ALDH1A3: variants seen among roughly 807,000 people sequenced by gnomAD.
ALDH1A3 encodes aldehyde dehydrogenase 1 family member A3.
Under a neutral mutation model 57.5 loss-of-function variants are expected in ALDH1A3, and 28 were observed. That is an observed-to-expected ratio of 0.49 (90% CI 0.36 to 0.67). ALDH1A3 has a LOEUF of 0.67. Among genes scored for constraint, ALDH1A3 ranks in the 30% least tolerant of loss-of-function variants. The probability of loss-of-function intolerance (pLI) is 0.00; values close to 1 mark genes in which losing one functional copy is unlikely to be tolerated. For missense variants in ALDH1A3, 507 were observed against 669.4 expected (o/e 0.76, Z 2.68); for synonymous variants, 281 against 264.8 (o/e 1.06, Z -0.59).
In ALDH1A3 at chr15:100,898,128, C is replaced by T. The variant is rs776141464; in HGVS notation, c.826C>T (p.Arg276Trp). The stretch of plus-strand genomic sequence containing the variant: ...AGCTGCGTCCCGGAGCAATCTGAAG[C>T]GGGTGACGCTGGAGCTGGGGGGGAA... Reference protein sequence around the residue: ...KEAASRSNLKRVTLELGGKNP... With the variant: ...KEAASRSNLKWVTLELGGKNP... Residue 276 changes from arginine (R) to tryptophan (W), a missense_variant, in exon 8 of 13, where the codon CGG becomes TGG. By Grantham distance (101) the Arg-to-Trp change is moderately radical. Coordinates refer to ENST00000329841, the MANE Select transcript of ALDH1A3 (RefSeq NM_000693.4). 12 of 1,613,918 alleles carry T rather than the reference C, an allele frequency of 7.4e-6. No individual in the cohort carries two copies. Among genetic ancestry groups the T allele is most frequent in the South Asian group, 1.1e-5 (1 of 91,030 alleles).
intron 1 of ALDH1A3, among the ~76,000 whole-genome samples, chr15:100,884,565 G>GT (rs58072985): frequency 0.14 from 19,963 of 139,788 alleles, 2,056 homozygotes; most frequent in African/African-American, 0.29. Context: ...GTTTTTCTGG[G>GT]TTTTTTTTTT....
chr15:100,883,236 C>T (rs920922835), intron 1 of ALDH1A3, among the ~76,000 whole-genome samples: 5 of 152,280 alleles, frequency 3.3e-5, no homozygotes, highest in Non-Finnish European at 7.4e-5. Context: ...ATCTAACCCA[C>T]GAAATTTCAT....
At chr15:100,880,281 C>A (rs939228052) in intron 1 of ALDH1A3, 5 of 383,596 alleles carry the variant, frequency 1.3e-5, no homozygotes, top group African/African-American at 4.2e-5. Context: ...CGCATCCCTG[C>A]GAGGCCCCGA....
In ALDH1A3 at chr15:100,893,039, T is replaced by C; in HGVS notation, c.537+33T>C. On this transcript the variant is annotated intron_variant, in intron 5 of 12. Coordinates refer to ENST00000329841, the MANE Select transcript of ALDH1A3 (RefSeq NM_000693.4). This position sits in a 1 kb window ranked among gnomAD's most constrained non-coding sequence, Gnocchi z 4.8. ...TGGCAGCCTTTCTCAGTAGATTCTATGTAGATCCTGCCCCACTGCCCTGTG... is the reference window on the plus strand; with the variant it reads ...TGGCAGCCTTTCTCAGTAGATTCTACGTAGATCCTGCCCCACTGCCCTGTG... 6.3e-7 allele frequency: 1 copy of C among 1,590,038 alleles called. No homozygotes were observed. Among genetic ancestry groups the C allele is most frequent in the Non-Finnish European group, 8.6e-7 (1 of 1,160,692 alleles).
At chr15:100,908,673 T>TG (rs2041850802) in intron 12 of ALDH1A3, among the ~76,000 whole-genome samples, 191 bp downstream of exon 12, 1 of 152,242 alleles carries the variant, frequency 6.6e-6, no homozygotes, top group South Asian at 2.1e-4. Flanking sequence ...CCTTCCCACT[T>TG]ACATCCTCAG....
At chr15:100,895,877 G>C in intron 6 of ALDH1A3, 56 bp from the exon 7 acceptor site, 1 of 1,457,146 alleles carries the variant, frequency 6.9e-7, no homozygotes, top group Non-Finnish European at 9.5e-7. Context: ...CCCAAATGTG[G>C]ATCCGTGGTG....
At chr15:100,914,562 T>C in intron 12 of ALDH1A3, 139 bp from the exon 13 acceptor site, 1 of 690,280 alleles carries the variant, frequency 1.4e-6, no homozygotes, top group Non-Finnish European at 2.5e-6. Context: ...TCCTGGCTAT[T>C]ATTCCATGAG....
chr15:100,882,395 A>C (rs2041555132), intron 1 of ALDH1A3, among the ~76,000 whole-genome samples: 1 of 152,172 alleles, frequency 6.6e-6, no homozygotes, highest in Non-Finnish European at 1.5e-5. Flanking sequence ...TTTCCTTATA[A>C]AATTTCTTCC....
chr15:100,906,989 C>T lies in ALDH1A3; in HGVS notation c.1234-132C>T, dbSNP rs1180861765. 1.0e-6 allele frequency: 1 copy of T among 994,160 alleles called. No individual in the cohort carries two copies. Among genetic ancestry groups the T allele is most frequent in the African/African-American group, 1.6e-5 (1 of 60,874 alleles). 61.6% of individuals were successfully genotyped at this position (994,160 alleles called of 1,614,324 possible). A position where few individuals can be genotyped will look rare whatever the true frequency, so the allele number is the denominator to read the frequency against. On this transcript the variant is annotated intron_variant, in intron 10 of 12. Coordinates refer to ENST00000329841, the MANE Select transcript of ALDH1A3 (RefSeq NM_000693.4). The surrounding 1 kb of genome is among the most constrained non-coding windows in gnomAD (Gnocchi z 4.8). ...GCAATGTTTGGACGTTCTTTCTTCT[C>T]TAATCATCGTTTTTCAGGCATGTGT...
intron 8 of ALDH1A3, among the ~76,000 whole-genome samples, chr15:100,899,238 T>C (rs1219253135): frequency 6.6e-6 from 1 of 152,168 alleles, no homozygotes; most frequent in Admixed American, 6.5e-5. Context: ...GAAGCACCAT[T>C]AGTGCTATGA....
intron 8 of ALDH1A3, among the ~76,000 whole-genome samples, chr15:100,898,530 C>G (rs1596128395): frequency 6.6e-6 from 1 of 152,314 alleles, no homozygotes; most frequent in East Asian, 1.9e-4. Flanking sequence ...TCCTCCAGAG[C>G]CCCCTGGGAG....
chr15:100,906,630 C>T lies in ALDH1A3; in HGVS notation c.1234-491C>T, dbSNP rs28679806. ...CCATTTCCTTTTCTTTGCTGTGTCACAAACTGTGGTGAATATTGTGTCATT... is the reference window on the plus strand; with the variant it reads ...CCATTTCCTTTTCTTTGCTGTGTCATAAACTGTGGTGAATATTGTGTCATT... On this transcript the variant is annotated intron_variant, in intron 10 of 12. Transcript: ENST00000329841. This position sits in a 1 kb window ranked among gnomAD's most constrained non-coding sequence, Gnocchi z 4.8. 1.2e-3 allele frequency among the ~76,000 whole-genome samples: 179 copies of T among 152,322 alleles called. 3 individuals are homozygous for T. Among genetic ancestry groups the T allele is most frequent in the African/African-American group, 4.0e-3 (166 of 41,578 alleles).
chr15:100,911,240 G>A (rs1041459203), intron 12 of ALDH1A3, among the ~76,000 whole-genome samples: 31 of 152,166 alleles, frequency 2.0e-4, no homozygotes, highest in African/African-American at 5.1e-4. Flanking sequence ...AGCATCGTGC[G>A]GGGGATTCCA....
intron 9 of ALDH1A3, 137 bp downstream of exon 9, chr15:100,900,896 A>AG (rs1422678846): frequency 1.0e-6 from 1 of 974,848 alleles, no homozygotes; most frequent in African/African-American, 1.7e-5. Context: ...TCTTTTCTTT[A>AG]GAAACTGATC....
chr15:100,890,470 A>T (rs1267733077), intron 3 of ALDH1A3, among the ~76,000 whole-genome samples: 1 of 152,200 alleles, frequency 6.6e-6, no homozygotes, highest in Non-Finnish European at 1.5e-5. Context: ...GAGAAATTCC[A>T]TAAAACTAAC....
At chr15:100,896,167 G>A (rs1333900448) in intron 7 of ALDH1A3, 121 bp downstream of exon 7, 2 of 792,030 alleles carry the variant, frequency 2.5e-6, no homozygotes, top group Middle Eastern at 2.9e-4. Context: ...CCATGTTTTA[G>A]TACATAACAA....
At chr15:100,903,609 T>C (rs1050237518) in intron 9 of ALDH1A3, among the ~76,000 whole-genome samples, 3 of 152,238 alleles carry the variant, frequency 2.0e-5, no homozygotes, top group Non-Finnish European at 4.4e-5. Context: ...TTACCTTCCA[T>C]AGAGGCTGAA....
chr15:100,905,240 G>A (rs978354176), intron 9 of ALDH1A3, among the ~76,000 whole-genome samples: 2 of 152,210 alleles, frequency 1.3e-5, no homozygotes, highest in Non-Finnish European at 2.9e-5. Flanking sequence ...GTCACTCATG[G>A]ACTAACTTTG....
Position 100,905,547 on chromosome 15 carries a change from A to C in ALDH1A3, c.1093A>C (p.Ile365Leu). 1 of 1,614,196 alleles carries C rather than the reference A, an allele frequency of 6.2e-7. No individual in the cohort carries two copies. Among genetic ancestry groups the C allele is most frequent in the Non-Finnish European group, 8.5e-7 (1 of 1,180,024 alleles). Residue 365 changes from isoleucine (I) to leucine (L), a missense_variant, in exon 10 of 13, where the codon ATC (isoleucine) becomes CTC (leucine). Physicochemically the swap from Ile to Leu is conservative, Grantham distance 5. This residue lies in a region of ALDH1A3 where 432 missense variants were observed against 608.4 expected (regional missense o/e 0.71). Coordinates refer to ENST00000329841, the MANE Select transcript of ALDH1A3 (RefSeq NM_000693.4). ...GATTGATCAAAAGCAGTTCGACAAA[A>C]TCTTAGAGCTGATCGAGAGTGGGAA... ...PQIDQKQFDK[I>L]LELIESGKKE...
Sources: allele counts gnomAD v4.1 joint callset (sites outside exome capture counted in the v4.1 genomes callset), GRCh38; gene constraint gnomAD v4.1.1; regional missense constraint gnomAD v4.1.1; non-coding constraint Gnocchi (gnomAD v3.1); transcripts MANE v1.5; gene names NCBI Gene and HGNC (gene_info 2026-07-23, HGNC 2026-07-21).